The following SHC2 variants were observed in gnomAD, a reference collection of about 807,000 sequenced individuals.
SHC2 encodes the protein SHC adaptor protein 2, also known as SHC-transforming protein 2.
SHC2 carries 62 observed loss-of-function variants against 60.6 expected under a neutral mutation model. The observed-to-expected ratio is 1.02, with a 90% confidence interval of 0.83 to 1.26. The LOEUF (loss-of-function observed/expected upper bound fraction) is 1.26. Ranked by LOEUF, SHC2 falls within the 50% of genes most tolerant of loss-of-function variation. The probability of loss-of-function intolerance (pLI) is 0.00; values close to 1 mark genes in which losing one functional copy is unlikely to be tolerated. For missense variants in SHC2, 873 were observed against 822.2 expected, an observed-to-expected ratio of 1.06 and a Z score of -0.76; for synonymous variants, 375 against 372.4, an observed-to-expected ratio of 1.01 and a Z score of -0.08.
intron 2 of SHC2, among the ~76,000 whole-genome samples, chr19:439,758 G>A (rs1974816301): frequency 6.6e-6 from 1 of 152,100 alleles, no homozygotes; most frequent in Non-Finnish European, 1.5e-5. Context: ...AGGCGCGGCG[G>A]CCCCCACCTG....
intron 8 of SHC2, among the ~76,000 whole-genome samples, chr19:434,342 T>G: frequency 2.7e-5 from 1 of 37,528 alleles, no homozygotes; most frequent in African/African-American, 1.2e-4. Context: ...GTGAGTGAGA[T>G]CATGAGTGAG....
chr19:435,148 C>T (rs564760410), intron 7 of SHC2, among the ~76,000 whole-genome samples: 13 of 152,392 alleles, frequency 8.5e-5, no homozygotes, highest in African/African-American at 2.6e-4. Context: ...CGGCCCCGCC[C>T]GGCAGCAGAG....
At chr19:439,620 G>C (rs1974812139) in intron 2 of SHC2, 1 of 154,304 alleles carries the variant, frequency 6.5e-6, no homozygotes, top group African/African-American at 2.4e-5. Flanking sequence ...AGGGCATGTG[G>C]GAATTTTCAC....
chr19:446,827 A>T lies in SHC2; in HGVS notation c.469-5895T>A, dbSNP rs7252089. Among the ~76,000 whole-genome samples the T allele has an allele frequency of 0.17, 26,415 of 152,086 alleles. 4,788 individuals carry two copies. Among genetic ancestry groups the T allele is most frequent in the African/African-American group, 0.43 (17,842 of 41,428 alleles). ...CAGTAAACCGAAGCCCAGAGAGGGG[A>T]TGGCACCTGGCCGGCCTCACGCACG... On this transcript the variant is annotated intron_variant, in intron 1 of 12. Coordinates refer to ENST00000264554, the MANE Select transcript of SHC2 (RefSeq NM_012435.3). The surrounding 1 kb of genome is among the most constrained non-coding windows in gnomAD (Gnocchi z 5.4).
intron 1 of SHC2, among the ~76,000 whole-genome samples, chr19:458,474 C>T (rs1375048916): frequency 9.0e-5 from 9 of 99,840 alleles, no homozygotes; most frequent in African/African-American, 2.7e-4. Flanking sequence ...GAGGCAGACG[C>T]ATGTTCCGGG....
At chr19:442,491 A>G (rs1387178678) in intron 1 of SHC2, among the ~76,000 whole-genome samples, 10 of 79,782 alleles carry the variant, frequency 1.3e-4, no homozygotes, top group East Asian at 4.3e-4. Flanking sequence ...GGATGGGTGG[A>G]TGGATGGATG....
chr19:448,911 G>A (rs1179376082), intron 1 of SHC2, among the ~76,000 whole-genome samples: 1 of 152,140 alleles, frequency 6.6e-6, no homozygotes, highest in African/African-American at 2.4e-5. Context: ...CCAGCACTGT[G>A]GGAGGCCGAG....
intron 1 of SHC2, among the ~76,000 whole-genome samples, chr19:459,659 G>A (rs1975491205): frequency 6.6e-6 from 1 of 152,214 alleles, no homozygotes; most frequent in Non-Finnish European, 1.5e-5. Flanking sequence ...GTAGAGGGAA[G>A]GACCCTACTG....
At chr19:436,587 G>T (rs372170910) in intron 5 of SHC2, 43 bp downstream of exon 5, 19 of 1,593,318 alleles carry the variant, frequency 1.2e-5, no homozygotes, top group African/African-American at 2.7e-5. Context: ...GCGGCCGGAG[G>T]GGGGCGGCAG....
At chr19:436,493 C>A (rs767654587) in intron 5 of SHC2, 62 bp from the exon 6 acceptor site, 33 of 1,596,174 alleles carry the variant, frequency 2.1e-5, no homozygotes, top group Admixed American at 6.9e-5. Flanking sequence ...CCCAGCTGCC[C>A]ACCCCAGCAA....
intron 9 of SHC2, among the ~76,000 whole-genome samples, chr19:427,860 G>GA (rs1361837801): frequency 7.3e-6 from 1 of 136,310 alleles, no homozygotes. Flanking sequence ...AGGGAAGGGG[G>GA]AACTGCACAC....
In SHC2 at chr19:445,434, G is replaced by A. The variant is rs762298112; in HGVS notation, c.469-4502C>T. On this transcript the variant is annotated intron_variant, in intron 1 of 12. Coordinates refer to ENST00000264554, the MANE Select transcript of SHC2 (RefSeq NM_012435.3). This position sits in a 1 kb window ranked among gnomAD's most constrained non-coding sequence, Gnocchi z 4.4. ...CGTGGCCCTCCCAGCCTCCAGAACC[G>A]TGAGAAATAAATTTCTAGGCCTGGC... 3.7e-4 allele frequency among the ~76,000 whole-genome samples: 56 copies of A among 152,318 alleles called. No homozygotes were observed. Among genetic ancestry groups the A allele is most frequent in the African/African-American group, 1.2e-3 (48 of 41,570 alleles).
chr19:454,524 C>T (rs10421777), intron 1 of SHC2, among the ~76,000 whole-genome samples: 6,959 of 152,304 alleles, frequency 0.046, 268 homozygotes, highest in African/African-American at 0.1. Context: ...CGACGGCGCA[C>T]ACCTGTCATC....
Position 436,415 on chromosome 19 carries a change from A to G in SHC2, c.791T>C (p.Val264Ala). The G allele has an allele frequency of 2.5e-6, 4 of 1,597,470 alleles. No individual in the cohort carries two copies. Among genetic ancestry groups the G allele is most frequent in the Non-Finnish European group, 3.4e-6 (4 of 1,170,436 alleles). The change falls in exon 6 of 13, where the codon GTG (valine) becomes GCG (alanine). Residue 264 changes from valine to alanine, a missense_variant. Val to Ala is a moderately conservative substitution (Grantham distance 64). Coordinates refer to ENST00000264554, the MANE Select transcript of SHC2 (RefSeq NM_012435.3). ...GATGGGGTCCTTGGCGACGTAGGCC[A>G]CGTAATCCGTCATGTCCTGGGGGCG... ...SGGDTDMTDY[V>A]AYVAKDPINQ...
rs1975041531 is a variant in SHC2, at chr19:445,986, C to T, written c.469-5054G>A. ...AGGAGAATCATTTGAACCCAGGAGGCGGAGGCTGCAGAGAGCCAAGATCAC... is the reference window on the plus strand; with the variant it reads ...AGGAGAATCATTTGAACCCAGGAGGTGGAGGCTGCAGAGAGCCAAGATCAC... On this transcript the variant is annotated intron_variant, in intron 1 of 12. Transcript: ENST00000264554. The surrounding 1 kb of genome is among the most constrained non-coding windows in gnomAD (Gnocchi z 4.4). Among the ~76,000 whole-genome samples, 1 of 151,666 alleles carries T rather than the reference C, an allele frequency of 6.6e-6. No individual in the cohort carries two copies. The highest frequency in any genetic ancestry group is 2.1e-4 in the South Asian group (1 of 4,784).
intron 9 of SHC2, among the ~76,000 whole-genome samples, chr19:428,835 G>A (rs987179132): frequency 6.6e-6 from 1 of 152,110 alleles, no homozygotes; most frequent in African/African-American, 2.4e-5. Context: ...CTAATACTGT[G>A]TGGATGACGC....
In SHC2 at chr19:459,466, C is replaced by G. The variant is rs112609279; in HGVS notation, c.468+1063G>C. On this transcript the variant is annotated intron_variant, in intron 1 of 12. Coordinates refer to ENST00000264554, the MANE Select transcript of SHC2 (RefSeq NM_012435.3). ...CCAGCGTAGGGGGAAGGACCCCTCT[C>G]AACTCAGCGTAGGGGGAAGGACCCC... Among the ~76,000 whole-genome samples, 533 of 88,666 alleles carry G rather than the reference C, an allele frequency of 6.0e-3. 1 individual carries two copies. The highest frequency in any genetic ancestry group is 0.017 in the Middle Eastern group (2 of 116). The allele number at this position is 88,666 out of a possible 152,430, so 58.2% of individuals were successfully genotyped here. A position where few individuals can be genotyped will look rare whatever the true frequency, so the allele number is the denominator to read the frequency against.
chr19:446,031 G>A lies in SHC2; in HGVS notation c.469-5099C>T, dbSNP rs781485426. ...GATCACGCCACTGCACTCGAGCCTG[G>A]GTGACAGAGGGAGAGTCTGTCTCAA... On this transcript the variant is annotated intron_variant, in intron 1 of 12. Coordinates refer to ENST00000264554, the MANE Select transcript of SHC2 (RefSeq NM_012435.3). The surrounding 1 kb of genome is among the most constrained non-coding windows in gnomAD (Gnocchi z 5.4). Among the ~76,000 whole-genome samples, 17 of 151,864 alleles carry A rather than the reference G, an allele frequency of 1.1e-4. No homozygotes were observed. Among genetic ancestry groups the A allele is most frequent in the Non-Finnish European group, 1.9e-4 (13 of 67,978 alleles).
chr19:428,546 C>T (rs1028598446), intron 9 of SHC2, among the ~76,000 whole-genome samples: 1 of 152,172 alleles, frequency 6.6e-6, no homozygotes, highest in Non-Finnish European at 1.5e-5. Context: ...ACCCTATCTG[C>T]AAAAACAAGG....
Sources: allele counts gnomAD v4.1 joint callset (sites outside exome capture counted in the v4.1 genomes callset), GRCh38; gene constraint gnomAD v4.1.1; non-coding constraint Gnocchi (gnomAD v3.1); transcripts MANE v1.5; gene names NCBI Gene and HGNC (gene_info 2026-07-23, HGNC 2026-07-21).